The following SNTB2 variants were observed in gnomAD, a reference collection of about 807,000 sequenced individuals.
The protein encoded by SNTB2 is beta-2-syntrophin.
SNTB2 carries 34 observed loss-of-function variants against 46.2 expected under a neutral mutation model. That is an observed-to-expected ratio of 0.74 (90% CI 0.56 to 0.98). The LOEUF (loss-of-function observed/expected upper bound fraction) is 0.98, where lower values mean the gene tolerates loss of function less well. SNTB2 is among the 50% of genes least tolerant of loss of function. The pLI is 0.00. For synonymous variants in SNTB2, 290 were observed against 312.6 expected (o/e 0.93, Z 0.76); for missense variants, 603 against 731.4 (o/e 0.82, Z 2.02).
chr16:69,235,845 C>G, intron 1 of SNTB2: 1 of 1,289,136 alleles, frequency 7.8e-7, no homozygotes, highest in Non-Finnish European at 1.0e-6. Flanking sequence ...TGAGTTTGAA[C>G]CCGTTAGCTA....
At chr16:69,265,602 G>T (rs1178926906) in intron 3 of SNTB2, among the ~76,000 whole-genome samples, 1 of 152,042 alleles carries the variant, frequency 6.6e-6, no homozygotes, top group Non-Finnish European at 1.5e-5. Context: ...GCCAAGGCAG[G>T]CGTATCACGA....
At chr16:69,250,199 T>A (rs531576745) in intron 2 of SNTB2, among the ~76,000 whole-genome samples, 1 of 152,240 alleles carries the variant, frequency 6.6e-6, no homozygotes, top group South Asian at 2.1e-4. Flanking sequence ...TTCCATGCGT[T>A]TTTTAGACAT....
intron 4 of SNTB2, among the ~76,000 whole-genome samples, chr16:69,279,998 G>GTCC (rs1296054198): frequency 6.6e-6 from 1 of 152,126 alleles, no homozygotes; most frequent in African/African-American, 2.4e-5. Flanking sequence ...CCTATGCAGG[G>GTCC]GACCCTGCGG....
At position 69,303,708 on chromosome 16, in the gene SNTB2, T is replaced by C. The variant is rs1425910948; in HGVS notation, c.*2784T>C. 1 of 152,652 alleles carries C rather than the reference T, an allele frequency of 6.6e-6. No homozygotes were observed. Among genetic ancestry groups the C allele is most frequent in the Non-Finnish European group, 1.5e-5 (1 of 68,048 alleles). 9.5% of individuals were successfully genotyped at this position (152,652 alleles called of 1,614,324 possible). ...AAGGTTGTTCTTCAATCAAATGTGTTTGTGGGATTTTCAGTCCGCAAATGA... is the reference window on the plus strand; with the variant it reads ...AAGGTTGTTCTTCAATCAAATGTGTCTGTGGGATTTTCAGTCCGCAAATGA... On this transcript the variant is annotated 3_prime_UTR_variant, in exon 7 of 7. Coordinates refer to ENST00000336278, the MANE Select transcript of SNTB2 (RefSeq NM_006750.4).
Position 69,260,262 on chromosome 16 carries a change from T to C in SNTB2, c.1005+2T>C. 1 of 1,613,780 alleles carries C rather than the reference T, an allele frequency of 6.2e-7. No homozygotes were observed. Among genetic ancestry groups the C allele is most frequent in the Non-Finnish European group, 8.5e-7 (1 of 1,179,834 alleles). The stretch of plus-strand genomic sequence containing the variant: ...CATATTGCCTGGCTGGCAGAACAGG[T>C]AGGCTGGGAGGCAGGGCAGAGTATC... On this transcript the variant is annotated splice_donor_variant, in intron 3 of 6. Transcript: ENST00000336278. LOFTEE classifies it high-confidence loss of function.
intron 3 of SNTB2, among the ~76,000 whole-genome samples, chr16:69,269,169 CAAA>C (rs1964914206): frequency 6.7e-6 from 1 of 149,916 alleles, no homozygotes; most frequent in Admixed American, 6.7e-5. Flanking sequence ...AACTCCGTCT[CAAA>C]AAGAAGAAAA....
At chr16:69,260,014 C>T (rs1281368803) in intron 2 of SNTB2, 36 bp from the exon 3 acceptor site, 1 of 1,539,834 alleles carries the variant, frequency 6.5e-7, no homozygotes, top group East Asian at 2.2e-5. Context: ...TGACTTCTGT[C>T]CTAGCTCACT....
At chr16:69,221,564 T>C (rs2152293662) in intron 1 of SNTB2, among the ~76,000 whole-genome samples, 1 of 152,222 alleles carries the variant, frequency 6.6e-6, no homozygotes, top group South Asian at 2.1e-4. Flanking sequence ...TCACTTGAAG[T>C]CAGGAGTTTG....
chr16:69,187,363 C>A lies in SNTB2; in HGVS notation c.197C>A (p.Ala66Glu). ...AAELEPALGP[A>E]AAAFNGLPNG... is the part of the protein sequence containing the mutation. ...GAGCTGGAGCCCGCTCTGGGACCCG[C>A]GGCCGCCGCCTTCAACGGCCTCCCA... Residue 66 changes from alanine to glutamate, a missense_variant, in exon 1 of 7, where the codon GCG becomes GAG. Around this residue, in one of 2 missense-constraint regions of SNTB2, gnomAD observed 537 missense variants for 692.4 expected, o/e 0.78. Coordinates refer to ENST00000336278, the MANE Select transcript of SNTB2 (RefSeq NM_006750.4). 1 of 1,392,096 alleles carries A rather than the reference C, an allele frequency of 7.2e-7. No individual in the cohort carries two copies. Among genetic ancestry groups the A allele is most frequent in the South Asian group, 1.5e-5 (1 of 64,628 alleles). The allele number at this position is 1,392,096 out of a possible 1,614,324, so 86.2% of individuals were successfully genotyped here. A position where few individuals can be genotyped will look rare whatever the true frequency, so the allele number is the denominator to read the frequency against.
chr16:69,187,861 A>C, intron 1 of SNTB2, 115 bp downstream of exon 1: 2 of 869,520 alleles, frequency 2.3e-6, no homozygotes, highest in Non-Finnish European at 3.2e-6. Context: ...TCTCTCTCCA[A>C]ACCCGGGTTT....
chr16:69,270,613 A>G (rs1052104916), intron 4 of SNTB2, among the ~76,000 whole-genome samples: 1 of 152,202 alleles, frequency 6.6e-6, no homozygotes, highest in Non-Finnish European at 1.5e-5. Flanking sequence ...CTAGAAAACC[A>G]CTGAAATTGT....
intron 4 of SNTB2, among the ~76,000 whole-genome samples, chr16:69,281,845 A>G (rs1182909724): frequency 6.6e-6 from 1 of 151,628 alleles, no homozygotes. Context: ...CTCCATCTTA[A>G]GAAAAAAAAG....
intron 3 of SNTB2, among the ~76,000 whole-genome samples, chr16:69,265,457 G>T (rs1198806189): frequency 6.6e-6 from 1 of 152,146 alleles, no homozygotes; most frequent in Non-Finnish European, 1.5e-5. Context: ...GTGAAAAAGG[G>T]ATTAAGGGAT....
At chr16:69,251,273 C>T (rs980921359) in intron 2 of SNTB2, among the ~76,000 whole-genome samples, 2 of 151,366 alleles carry the variant, frequency 1.3e-5, no homozygotes, top group Non-Finnish European at 2.9e-5. Flanking sequence ...CCACTGCACC[C>T]GGCCTTGTTT....
chr16:69,197,379 A>G (rs1361435336), intron 1 of SNTB2, among the ~76,000 whole-genome samples: 1 of 152,178 alleles, frequency 6.6e-6, no homozygotes, highest in Non-Finnish European at 1.5e-5. Flanking sequence ...AGACTGGAAC[A>G]AGCAGTGATG....
At chr16:69,298,466 T>G (rs1423091286) in intron 5 of SNTB2, among the ~76,000 whole-genome samples, 3 of 151,626 alleles carry the variant, frequency 2.0e-5, no homozygotes, top group African/African-American at 7.3e-5. Context: ...CTTGCCCAGT[T>G]CAGTCCTTCT....
intron 5 of SNTB2, among the ~76,000 whole-genome samples, chr16:69,285,453 C>CTATTTATTTATTTATT (rs56095766): frequency 6.1e-5 from 8 of 130,548 alleles, no homozygotes; most frequent in South Asian, 2.6e-4. Flanking sequence ...CTTTGAGCTT[C>CTATTTATTTATTTATT]TATTTATTTA....
At chr16:69,197,504 G>A (rs1219539573) in intron 1 of SNTB2, among the ~76,000 whole-genome samples, 1 of 152,074 alleles carries the variant, frequency 6.6e-6, no homozygotes, top group Non-Finnish European at 1.5e-5. Context: ...GAAATATCTT[G>A]TAATAATTGT....
rs1555497920 is a variant in SNTB2 at position 69,207,142 on chromosome 16, T to TTTTCTTTTC, written c.580+19403_580+19404insTCTTTCTTT. Among the ~76,000 whole-genome samples, 16 of 142,248 alleles carry TTTTCTTTTC rather than the reference T, an allele frequency of 1.1e-4. No homozygotes were observed. The South Asian group carries it at 3.2e-3, about 29-fold the overall frequency. The allele number at this position is 142,248 out of a possible 152,430, so 93.3% of individuals were successfully genotyped here. A position where few individuals can be genotyped will look rare whatever the true frequency, so the allele number is the denominator to read the frequency against. On this transcript the variant is annotated intron_variant, in intron 1 of 6. Transcript: ENST00000336278. ...AAGTATAGATTTTCCTTTTCTTTTC[T>TTTTCTTTTC]TTTCTTTCTTTCTTTTTTTTTTTTT...
Sources: gnomAD v4.1 joint callset for allele counts (sites outside exome capture counted in the v4.1 genomes callset) on GRCh38, gnomAD v4.1.1 for gene constraint, gnomAD v4.1.1 regional missense constraint, MANE v1.5 for transcripts, NCBI Gene and HGNC (gene_info 2026-07-23, HGNC 2026-07-21) for gene names.